SERPINA9: variants seen among roughly 807,000 people sequenced by gnomAD.
SERPINA9 encodes the protein serpin family A member 9.
In SERPINA9, 32 loss-of-function variants were observed where a neutral mutation model predicts 24.5. The observed-to-expected ratio is 1.30, with a 90% CI of 0.98 to 1.75. The LOEUF (loss-of-function observed/expected upper bound fraction) is 1.75. Among genes scored for constraint, SERPINA9 ranks in the 40% most tolerant of loss-of-function variants. The probability of loss-of-function intolerance (pLI) is 0.00; values close to 1 mark genes in which losing one functional copy is unlikely to be tolerated. For missense variants in SERPINA9, 594 were observed against 497.1 expected (o/e 1.19, Z -1.85); for synonymous variants, 233 against 197.7 (o/e 1.18, Z -1.50).
intron 1 of SERPINA9, among the ~76,000 whole-genome samples, chr14:94,471,645 A>G (rs547349509): frequency 5.3e-5 from 8 of 152,152 alleles, no homozygotes; most frequent in African/African-American, 1.9e-4. Context: ...TTTCTTTCTA[A>G]GTTACATTCG....
chr14:94,473,105 C>T (rs1899402235), intron 1 of SERPINA9, among the ~76,000 whole-genome samples: 1 of 152,138 alleles, frequency 6.6e-6, no homozygotes, highest in Admixed American at 6.5e-5. Context: ...TTCCTCATTG[C>T]TCTACACACC....
At chr14:94,475,750 G>A (rs559354707) in intron 1 of SERPINA9, among the ~76,000 whole-genome samples, 6 of 152,176 alleles carry the variant, frequency 3.9e-5, no homozygotes, top group South Asian at 2.1e-4. Context: ...CTTGCTGTTA[G>A]TTTGGAAACT....
Position 94,462,924 on chromosome 14 carries a change from T to C in SERPINA9, c.*169A>G. ...ACTGGGGTTAATGGGTGTTGGCTTG[T>C]GACTGGGGTCCCTGTTGATGGTTTG... On this transcript the variant is annotated 3_prime_UTR_variant, in exon 5 of 5. Transcript: ENST00000674397. The C allele has an allele frequency of 3.2e-6, 2 of 622,300 alleles. No individual in the cohort carries two copies. 38.5% of individuals were successfully genotyped at this position (622,300 alleles called of 1,614,324 possible).
Position 94,476,118 on chromosome 14 carries a change from C to T in SERPINA9, c.-18+18G>A, listed in dbSNP as rs1899637810. 4 of 1,614,010 alleles carry T rather than the reference C, an allele frequency of 2.5e-6. No homozygotes were observed. In the African/African-American group the frequency reaches 4.0e-5, roughly 16 times the overall value. On this transcript the variant is annotated intron_variant, in intron 1 of 4. Transcript: ENST00000674397. Reference sequence around the variant, plus strand: ...TGACACCACATTCCCGATCTCTCTGCACCTCCTCCTTACCCACCTTTGCAG... The same window carrying T: ...TGACACCACATTCCCGATCTCTCTGTACCTCCTCCTTACCCACCTTTGCAG...
At chr14:94,472,701 G>A (rs1024991074) in intron 1 of SERPINA9, among the ~76,000 whole-genome samples, 3 of 152,228 alleles carry the variant, frequency 2.0e-5, no homozygotes, top group Non-Finnish European at 4.4e-5. Context: ...AAGTGTGTGT[G>A]TGTGATGAGT....
intron 1 of SERPINA9, among the ~76,000 whole-genome samples, chr14:94,475,593 C>T (rs570069207): frequency 6.6e-6 from 1 of 152,236 alleles, no homozygotes; most frequent in East Asian, 1.9e-4. Flanking sequence ...CTCTCCCCTA[C>T]ACCTCCACTC....
At chr14:94,464,308 T>C (rs8016440) in intron 4 of SERPINA9, 33,057 of 84,068 alleles carry the variant, frequency 0.39, 4,379 homozygotes, top group Non-Finnish European at 0.49. Flanking sequence ...TCTCTCTCTC[T>C]CTCTCTCTCT....
chr14:94,474,197 TG>T (rs1385017421), intron 1 of SERPINA9, among the ~76,000 whole-genome samples: 2 of 152,194 alleles, frequency 1.3e-5, no homozygotes, highest in Non-Finnish European at 2.9e-5. Context: ...CTGTGGAGGC[TG>T]GCAGTGGGGC....
Position 94,467,294 on chromosome 14 carries a change from C to T in SERPINA9, c.717G>A (p.Met239Ile). 6.2e-7 allele frequency: 1 copy of T among 1,614,138 alleles called. No individual in the cohort carries two copies. The highest frequency in any genetic ancestry group is 1.3e-5 in the African/African-American group (1 of 75,064). The change falls in exon 3 of 5, where the codon ATG becomes ATA. Residue 239 changes from methionine (M) to isoleucine (I), a missense_variant. By Grantham distance (10) the Met-to-Ile change is conservative. Coordinates refer to ENST00000674397, the MANE Select transcript of SERPINA9 (RefSeq NM_175739.4). The part of the protein sequence containing the change: ...VGEQVTVHVP[M>I]MHQKEQFAFG... ...AAGCGAACTGCTCTTTCTGGTGCAT[C>T]ATGGGGACATGCACAGTGACCTGCT...
intron 1 of SERPINA9, among the ~76,000 whole-genome samples, chr14:94,475,519 A>G (rs1899563804): frequency 6.6e-6 from 1 of 152,078 alleles, no homozygotes; most frequent in Admixed American, 6.5e-5. Context: ...ATGAAAAGGA[A>G]TTGTCTCAAC....
Position 94,469,367 on chromosome 14 carries a change from T to C in SERPINA9, c.474A>G (p.Ala158=). ...FLGNVKRLYE[A]EVFSTDFSNP... ...TGGAGAAATCTGTAGAAAAGACTTC[T>C]GCTTCATACAGCCTCTTGACATTGC... The change falls in exon 2 of 5, where the codon GCA becomes GCG. Residue 158 remains alanine (A), a synonymous_variant. Coordinates refer to ENST00000674397, the MANE Select transcript of SERPINA9 (RefSeq NM_175739.4). 6.2e-7 allele frequency: 1 copy of C among 1,614,248 alleles called. No individual in the cohort carries two copies. The highest frequency in any genetic ancestry group is 8.5e-7 in the Non-Finnish European group (1 of 1,180,044).
chr14:94,467,288 G>T lies in SERPINA9; in HGVS notation c.723C>A (p.His241Gln), dbSNP rs1427341519. The T allele has an allele frequency of 6.2e-7, 1 of 1,614,106 alleles. No homozygotes were observed. The highest frequency in any genetic ancestry group is 1.7e-5 in the Admixed American group (1 of 60,010). ...CCCCAAAAGCGAACTGCTCTTTCTG[G>T]TGCATCATGGGGACATGCACAGTGA... ...EQVTVHVPMM[H>Q]QKEQFAFGVD... Residue 241 changes from histidine to glutamine, a missense_variant, in exon 3 of 5, where the codon CAC (histidine) becomes CAA (glutamine). His to Gln is a conservative substitution (Grantham distance 24). Coordinates refer to ENST00000674397, the MANE Select transcript of SERPINA9 (RefSeq NM_175739.4).
intron 2 of SERPINA9, among the ~76,000 whole-genome samples, 182 bp from the exon 3 acceptor site, chr14:94,467,564 A>G (rs1479126866): frequency 6.6e-6 from 1 of 152,242 alleles, no homozygotes; most frequent in Non-Finnish European, 1.5e-5. Context: ...AAAAAGCAAT[A>G]AAATGGTGAA....
rs765652572 is a variant in SERPINA9 at position 94,463,225 on chromosome 14, G to A, written c.1122C>T (p.Phe374=). 6.2e-7 allele frequency: 1 copy of A among 1,614,214 alleles called. No individual in the cohort carries two copies. The highest frequency in any genetic ancestry group is 2.2e-5 in the East Asian group (1 of 44,882). Residue 374 remains phenylalanine (F), a synonymous_variant, in exon 5 of 5, where the codon TTC becomes TTT. Coordinates refer to ENST00000674397, the MANE Select transcript of SERPINA9 (RefSeq NM_175739.4). ...TEATAATTTK[F]IVRSKDGPSY... is the part of the protein sequence containing the mutation. ...AGGGGCCATCCTTCGATCGGACTATGAACTTGGTGGTGGTAGCTGCTGTGG... is the reference window on the plus strand; with the variant it reads ...AGGGGCCATCCTTCGATCGGACTATAAACTTGGTGGTGGTAGCTGCTGTGG...
Position 94,464,417 on chromosome 14 carries a change from G to A in SERPINA9, c.1050+290C>T, listed in dbSNP as rs576818019. The A allele has an allele frequency of 1.3e-4, 65 of 490,454 alleles. 2 individuals carry two copies. The South Asian group carries it at 2.1e-3, about 16-fold the overall frequency. The allele number at this position is 490,454 out of a possible 1,614,324, so 30.4% of individuals were successfully genotyped here. ...GTGTGAGGGCCTAAACTTCAGGGAG[G>A]AAGAAAGTGAGGTCAGATCCTGAGG... On this transcript the variant is annotated intron_variant, in intron 4 of 4. Transcript: ENST00000674397.
intron 4 of SERPINA9, among the ~76,000 whole-genome samples, chr14:94,463,538 G>A (rs1898843854): frequency 6.6e-6 from 1 of 152,226 alleles, no homozygotes; most frequent in Non-Finnish European, 1.5e-5. Flanking sequence ...GTGAGTCTCA[G>A]TTCTGCCACT....
At chr14:94,475,827 C>G (rs768579798) in intron 1 of SERPINA9, 5 of 458,860 alleles carry the variant, frequency 1.1e-5, no homozygotes, top group Non-Finnish European at 1.9e-5. Context: ...CTCCTTTCAC[C>G]CTCTCATTTG....
chr14:94,473,340 A>G (rs528326958), intron 1 of SERPINA9, among the ~76,000 whole-genome samples: 2 of 152,180 alleles, frequency 1.3e-5, no homozygotes, highest in East Asian at 3.9e-4. Flanking sequence ...CCAACGTGGC[A>G]AAACCCCATC....
chr14:94,464,593 C>A, intron 4 of SERPINA9, 114 bp downstream of exon 4: 1 of 889,026 alleles, frequency 1.1e-6, no homozygotes. Context: ...CCGCAGAAGA[C>A]CCTGACTTCA....
Sources: allele counts gnomAD v4.1 joint callset (sites outside exome capture counted in the v4.1 genomes callset), GRCh38; gene constraint gnomAD v4.1.1; transcripts MANE v1.5; gene names NCBI Gene and HGNC (gene_info 2026-07-23, HGNC 2026-07-21).